DPP10: variants seen among roughly 807,000 people sequenced by gnomAD.
The protein encoded by DPP10 is inactive dipeptidyl peptidase 10.
Under a neutral mutation model 120.9 loss-of-function variants are expected in DPP10, and 33 were observed. That is an observed-to-expected ratio of 0.27 (90% confidence interval 0.21 to 0.37). The LOEUF is 0.37. Ranked by LOEUF, DPP10 falls within the 10% of genes least tolerant of loss-of-function variation. The pLI, the probability that DPP10 is intolerant of heterozygous loss-of-function variation, is 1.00. For missense variants in DPP10, 816 were observed against 942.8 expected (o/e 0.87, Z 1.76); for synonymous variants, 337 against 326.1 (o/e 1.03, Z -0.36).
intron 3 of DPP10, among the ~76,000 whole-genome samples, chr2:115,381,228 A>G (rs1405160561): frequency 2.0e-5 from 3 of 151,904 alleles, no homozygotes; most frequent in Non-Finnish European, 4.4e-5. Flanking sequence ...TTAGTCCCAT[A>G]TTTCTTGGAG....
chr2:115,133,141 G>GTA (rs752180086), intron 1 of DPP10, among the ~76,000 whole-genome samples: 4 of 35,386 alleles, frequency 1.1e-4, no homozygotes, highest in Non-Finnish European at 1.8e-4. Flanking sequence ...GTGTGTGTGT[G>GTA]TGTGTATATA....
At chr2:114,743,346 A>C (rs1401299571) in intron 1 of DPP10, among the ~76,000 whole-genome samples, 1 of 152,178 alleles carries the variant, frequency 6.6e-6, no homozygotes, top group Non-Finnish European at 1.5e-5. Context: ...ATGAATGGAA[A>C]AGGACCACAG....
intron 1 of DPP10, among the ~76,000 whole-genome samples, chr2:114,469,791 G>A (rs756774135): frequency 6.6e-6 from 1 of 152,146 alleles, no homozygotes; most frequent in Non-Finnish European, 1.5e-5. Context: ...AGGAAATTGA[G>A]GAAGAATGAA....
Position 115,499,561 on chromosome 2 carries a change from T to G in DPP10, c.323T>G (p.Ile108Arg), listed in dbSNP as rs1415301836. ...SENGHVIKLN[I>R]ETNATTLLLE... Reference sequence around the variant, plus strand: ...AATGGACATGTCATTAAACTGAATATAGAAACAAATGCTACCACATTATTA... The same window carrying G: ...AATGGACATGTCATTAAACTGAATAGAGAAACAAATGCTACCACATTATTA... The change falls in exon 4 of 26, where the codon ATA becomes AGA. Residue 108 changes from isoleucine (I) to arginine (R), a missense_variant. Physicochemically the swap from Ile to Arg is moderately conservative, Grantham distance 97 (BLOSUM62 -3). Coordinates refer to ENST00000410059, the MANE Select transcript of DPP10 (RefSeq NM_020868.6). 2.5e-6 allele frequency: 4 copies of G among 1,611,712 alleles called. No homozygotes were observed. In the African/African-American group the frequency reaches 5.3e-5, roughly 22 times the overall value.
rs1442831824 is a variant in DPP10, at chr2:115,739,808, T to C, written c.767T>C (p.Ile256Thr). 6.2e-7 allele frequency: 1 copy of C among 1,613,586 alleles called. No homozygotes were observed. Among genetic ancestry groups the C allele is most frequent in the Non-Finnish European group, 8.5e-7 (1 of 1,179,590 alleles). Residue 256 changes from isoleucine (I) to threonine (T), a missense_variant, in exon 9 of 26, where the codon ATA becomes ACA. Physicochemically the swap from Ile to Thr is moderately conservative, Grantham distance 89. Around this residue, in one of 3 missense-constraint regions of DPP10, gnomAD observed 592 missense variants for 649.0 expected, o/e 0.91. Coordinates refer to ENST00000410059, the MANE Select transcript of DPP10 (RefSeq NM_020868.6). The stretch of plus-strand genomic sequence containing the variant: ...GGAGAAAGACTTGCCTTCCTGATGA[T>C]AAATGACTCTTTGGTACCCACCATG... ...PDGERLAFLM[I>T]NDSLVPTMVI...
intron 1 of DPP10, among the ~76,000 whole-genome samples, chr2:114,534,656 C>A (rs555704725): frequency 2.0e-5 from 3 of 152,126 alleles, no homozygotes; most frequent in Non-Finnish European, 4.4e-5. Context: ...ATGGTGCCCA[C>A]ACCCTCAACT....
At chr2:114,507,133 C>T (rs1683739088) in intron 1 of DPP10, among the ~76,000 whole-genome samples, 1 of 151,162 alleles carries the variant, frequency 6.6e-6, no homozygotes, top group Non-Finnish European at 1.5e-5. Context: ...CTGCAGCCTC[C>T]ACCTCCTGGG....
intron 3 of DPP10, among the ~76,000 whole-genome samples, chr2:115,383,964 G>C (rs1291139587): frequency 6.6e-6 from 1 of 152,122 alleles, no homozygotes; most frequent in Non-Finnish European, 1.5e-5. Flanking sequence ...CAAATATAAA[G>C]TATCTGTCTA....
intron 3 of DPP10, among the ~76,000 whole-genome samples, chr2:115,350,991 C>T (rs761487216): frequency 1.3e-5 from 2 of 152,096 alleles, no homozygotes; most frequent in Admixed American, 6.6e-5. Context: ...TACAGCAGAA[C>T]TAGCATTGGA....
At position 115,495,407 on chromosome 2, in the gene DPP10, C is replaced by T. The variant is rs114240206; in HGVS notation, c.272-4103C>T. On this transcript the variant is annotated intron_variant, in intron 3 of 25. Transcript: ENST00000410059. Reference sequence around the variant, plus strand: ...AAAAGTTTTTCGTTCTGATTTACAACGTTAAGTTCATAAACAAGAACTTCC... The same window carrying T: ...AAAAGTTTTTCGTTCTGATTTACAATGTTAAGTTCATAAACAAGAACTTCC... Among the ~76,000 whole-genome samples the T allele has an allele frequency of 4.0e-3, 481 of 120,864 alleles. 2 individuals carry two copies. The highest frequency in any genetic ancestry group is 0.014 in the African/African-American group (449 of 33,022). 79.3% of individuals were successfully genotyped at this position (120,864 alleles called of 152,430 possible). A position where few individuals can be genotyped will look rare whatever the true frequency, so the allele number is the denominator to read the frequency against.
chr2:115,506,146 A>G (rs2076928900), intron 4 of DPP10, among the ~76,000 whole-genome samples: 1 of 152,106 alleles, frequency 6.6e-6, no homozygotes, highest in Non-Finnish European at 1.5e-5. Context: ...TTCAGTCTAC[A>G]CAGCTTTGAT....
chr2:115,620,903 A>G (rs1157704495), intron 5 of DPP10, among the ~76,000 whole-genome samples: 1 of 152,234 alleles, frequency 6.6e-6, no homozygotes, highest in Admixed American at 6.5e-5. Flanking sequence ...TACGTGGTCA[A>G]CGTAGTATAT....
chr2:114,898,961 T>C (rs1693300607), intron 1 of DPP10, among the ~76,000 whole-genome samples: 1 of 152,164 alleles, frequency 6.6e-6, no homozygotes, highest in Admixed American at 6.5e-5. Flanking sequence ...GGATGTGGAC[T>C]AGAATCTTAA....
chr2:114,704,646 C>T (rs545830262), intron 1 of DPP10, among the ~76,000 whole-genome samples: 9 of 152,204 alleles, frequency 5.9e-5, no homozygotes, highest in Admixed American at 2.0e-4. Context: ...TTTTTAAACA[C>T]TCTCTCTCCC....
At chr2:115,101,828 A>G (rs1573618529) in intron 1 of DPP10, among the ~76,000 whole-genome samples, 2 of 152,302 alleles carry the variant, frequency 1.3e-5, no homozygotes, top group Admixed American at 1.3e-4. Context: ...CCTCTAACGC[A>G]CTTGCAACGT....
intron 2 of DPP10, among the ~76,000 whole-genome samples, chr2:115,336,595 CTCTCTATA>C (rs1382500589): frequency 7.3e-5 from 11 of 150,214 alleles, no homozygotes; most frequent in East Asian, 2.0e-4. Flanking sequence ...CTCTCTCTCT[CTCTCTATA>C]TATATATATA....
chr2:114,708,849 G>A (rs1700845712), intron 1 of DPP10, among the ~76,000 whole-genome samples: 2 of 152,194 alleles, frequency 1.3e-5, no homozygotes, highest in Admixed American at 6.5e-5. Context: ...TCTGACTCCT[G>A]GGTTCAAGCG....
At chr2:114,849,616 T>G (rs926873673) in intron 1 of DPP10, among the ~76,000 whole-genome samples, 51 of 151,874 alleles carry the variant, frequency 3.4e-4, no homozygotes, top group Admixed American at 2.0e-4. Flanking sequence ...CGTCCCAAAG[T>G]GCTGGGATTA....
At chr2:115,837,056 G>A (rs774298058) in intron 24 of DPP10, among the ~76,000 whole-genome samples, 1 of 152,156 alleles carries the variant, frequency 6.6e-6, no homozygotes, top group Non-Finnish European at 1.5e-5. Flanking sequence ...CTGAGGAACT[G>A]AATTGATTTT....
Sources: gnomAD v4.1 joint callset for allele counts (sites outside exome capture counted in the v4.1 genomes callset) on GRCh38, gnomAD v4.1.1 for gene constraint, gnomAD v4.1.1 regional missense constraint, MANE v1.5 for transcripts, NCBI Gene and HGNC (gene_info 2026-07-23, HGNC 2026-07-21) for gene names.